ZNF705B: variants seen among roughly 807,000 people sequenced by gnomAD.
ZNF705B encodes zinc finger protein 705B, also known as Putative zinc finger protein 705D-like protein LOC100132396.
A neutral mutation model predicts 10.5 loss-of-function variants in ZNF705B; 1 was observed. The observed-to-expected ratio is 0.10, with a 90% confidence interval of 0.03 to 0.45. The LOEUF (loss-of-function observed/expected upper bound fraction) is 0.45. ZNF705B is among the 20% of genes least tolerant of loss of function. ZNF705B has a pLI of 0.97. For missense variants in ZNF705B, 14 were observed against 84.0 expected, an observed-to-expected ratio of 0.17 and a Z score of 3.26; for synonymous variants, 4 against 25.4, an observed-to-expected ratio of 0.16 and a Z score of 2.53.
chr8:7,940,305 C>T (rs1820113435), intron 2 of ZNF705B, among the ~76,000 whole-genome samples: 1 of 148,890 alleles, frequency 6.7e-6, no homozygotes, highest in Non-Finnish European at 1.5e-5. Flanking sequence ...AAAAGCTGTA[C>T]ATATTTAAGG....
At chr8:7,927,994 C>T (rs1269094555) in intron 1 of ZNF705B, among the ~76,000 whole-genome samples, 84 of 137,070 alleles carry the variant, frequency 6.1e-4, no homozygotes, top group African/African-American at 1.8e-3. Context: ...TGCCTTAGTC[C>T]ATTTGGGATG....
intron 2 of ZNF705B, among the ~76,000 whole-genome samples, chr8:7,933,080 G>T (rs1195272932): frequency 1.7e-5 from 2 of 119,326 alleles, no homozygotes; most frequent in African/African-American, 5.1e-5. Flanking sequence ...CTGTTAATCA[G>T]CTGACCTTAA....
chr8:7,932,820 AG>A (rs1343903534), intron 2 of ZNF705B, among the ~76,000 whole-genome samples: 1 of 108,418 alleles, frequency 9.2e-6, no homozygotes, highest in African/African-American at 2.6e-5. Context: ...TCAATGACCA[AG>A]GGGAGGCCCC....
chr8:7,935,860 T>C (rs2698893), intron 2 of ZNF705B, among the ~76,000 whole-genome samples: 10,558 of 62,094 alleles, frequency 0.17, 748 homozygotes, highest in Middle Eastern at 0.42. Flanking sequence ...TAGTCAGCTA[T>C]TACGTATAGT....
At chr8:7,933,031 G>T (rs1390506550) in intron 2 of ZNF705B, among the ~76,000 whole-genome samples, 1 of 118,670 alleles carries the variant, frequency 8.4e-6, no homozygotes, top group Non-Finnish European at 2.0e-5. Context: ...GTGCCACCTT[G>T]TAAGCAAAGG....
chr8:7,931,108 C>T (rs183961773), intron 2 of ZNF705B, among the ~76,000 whole-genome samples: 1 of 120,920 alleles, frequency 8.3e-6, no homozygotes, highest in Non-Finnish European at 2.0e-5. Flanking sequence ...CCCCCTCAGC[C>T]TTCCAAAGTG....
intron 2 of ZNF705B, among the ~76,000 whole-genome samples, chr8:7,933,285 A>AGGGG (rs1181528063): frequency 1.6e-5 from 1 of 63,470 alleles, no homozygotes; most frequent in African/African-American, 3.6e-5. Flanking sequence ...AAGGTGCAGG[A>AGGGG]AGAAAACTGC....
chr8:7,936,621 C>G (rs1009535972), intron 2 of ZNF705B, among the ~76,000 whole-genome samples: 7 of 119,566 alleles, frequency 5.9e-5, no homozygotes, highest in East Asian at 2.4e-4. Flanking sequence ...AGCTCAAGAA[C>G]AGGAAGACAA....
intron 2 of ZNF705B, among the ~76,000 whole-genome samples, chr8:7,937,679 A>G (rs546318757): frequency 8.7e-6 from 1 of 115,576 alleles, no homozygotes; most frequent in African/African-American, 2.6e-5. Context: ...TGCCACAAGG[A>G]TAATAATCTT....
At chr8:7,929,424 T>C (rs1284889186) in intron 1 of ZNF705B, among the ~76,000 whole-genome samples, 1 of 121,338 alleles carries the variant, frequency 8.2e-6, no homozygotes, top group Non-Finnish European at 2.0e-5. Flanking sequence ...TGAGGATAAA[T>C]GAATAAGTGG....
chr8:7,937,169 A>G (rs1820038516), intron 2 of ZNF705B, among the ~76,000 whole-genome samples: 1 of 116,782 alleles, frequency 8.6e-6, no homozygotes, highest in Non-Finnish European at 2.0e-5. Context: ...TTACCCAGTG[A>G]TCGAGTGAAG....
intron 2 of ZNF705B, among the ~76,000 whole-genome samples, chr8:7,931,140 AG>A (rs984580155): frequency 8.2e-6 from 1 of 121,374 alleles, no homozygotes; most frequent in Admixed American, 9.3e-5. Context: ...GGTGTGAGTC[AG>A]GTGGCTTTCT....
At chr8:7,928,085 G>A (rs1291510503) in intron 1 of ZNF705B, among the ~76,000 whole-genome samples, 1 of 119,908 alleles carries the variant, frequency 8.3e-6, no homozygotes, top group African/African-American at 2.5e-5. Flanking sequence ...GGAAGTCCAA[G>A]ATCAAGACAC....
intron 2 of ZNF705B, among the ~76,000 whole-genome samples, chr8:7,936,283 T>C (rs1230585941): frequency 8.3e-6 from 1 of 120,382 alleles, no homozygotes; most frequent in African/African-American, 2.5e-5. Context: ...TATTTTACTA[T>C]ACCTGATTCT....
intron 2 of ZNF705B, chr8:7,938,601 AG>A: frequency 2.4e-6 from 3 of 1,246,598 alleles, no homozygotes; most frequent in African/African-American, 1.5e-5. Context: ...TGAGTCTTCC[AG>A]GTTTCCTATG....
intron 1 of ZNF705B, among the ~76,000 whole-genome samples, chr8:7,928,794 A>T (rs1200536328): frequency 2.0e-5 from 2 of 101,514 alleles, no homozygotes; most frequent in Non-Finnish European, 4.7e-5. Flanking sequence ...CCAAGGAAAA[A>T]ATGTAATTTC....
chr8:7,937,673 A>G (rs1820052840), intron 2 of ZNF705B, among the ~76,000 whole-genome samples: 1 of 116,786 alleles, frequency 8.6e-6, no homozygotes, highest in Non-Finnish European at 2.0e-5. Flanking sequence ...CAGTAATGCC[A>G]CAAGGATAAT....
Position 7,929,284 on chromosome 8 carries a change from A to T in ZNF705B, c.-221-1003A>T, listed in dbSNP as rs1324500367. 8.2e-5 allele frequency among the ~76,000 whole-genome samples: 10 copies of T among 121,804 alleles called. 3 individuals carry two copies. Among genetic ancestry groups the T allele is most frequent in the Admixed American group, 1.9e-4 (2 of 10,810 alleles). The allele number at this position is 121,804 out of a possible 152,430, so 79.9% of individuals were successfully genotyped here. On this transcript the variant is annotated intron_variant, in intron 1 of 6. Transcript: ENST00000400120. ...TTTAATCAAAATGCAATTTTAAAATAGCTGCCCTTACATGGTCTGGCATTA... is the reference window on the plus strand; with the variant it reads ...TTTAATCAAAATGCAATTTTAAAATTGCTGCCCTTACATGGTCTGGCATTA...
intron 1 of ZNF705B, among the ~76,000 whole-genome samples, chr8:7,927,919 G>C (rs867456163): frequency 0.02 from 2,745 of 137,308 alleles, 9 homozygotes; most frequent in African/African-American, 0.066. Flanking sequence ...CTGTTAGAGA[G>C]GTCGAAAGGT....
Sources: gnomAD v4.1 joint callset for allele counts (sites outside exome capture counted in the v4.1 genomes callset) on GRCh38, gnomAD v4.1.1 for gene constraint, MANE v1.5 for transcripts, NCBI Gene and HGNC (gene_info 2026-07-23, HGNC 2026-07-21) for gene names.